The following VAV2 variants were observed in gnomAD, a reference collection of about 807,000 sequenced individuals.
VAV2 encodes guanine nucleotide exchange factor VAV2.
In VAV2, 67 loss-of-function variants were observed where a neutral mutation model predicts 132.5. That is an observed-to-expected ratio of 0.51 (90% CI 0.42 to 0.62). The LOEUF (loss-of-function observed/expected upper bound fraction) is 0.62. VAV2 is among the 20% of genes least tolerant of loss of function. The pLI, the probability that VAV2 is intolerant of heterozygous loss-of-function variation, is 0.00. For missense variants in VAV2, 938 were observed against 1,153.6 expected (o/e 0.81, Z 2.71); for synonymous variants, 492 against 443.5 (o/e 1.11, Z -1.37).
At chr9:133,886,362 A>G (rs2131955164) in intron 2 of VAV2, among the ~76,000 whole-genome samples, 1 of 152,340 alleles carries the variant, frequency 6.6e-6, no homozygotes, top group East Asian at 1.9e-4. Context: ...TAACCCTGCC[A>G]CAGGGAGGTC....
intron 25 of VAV2, among the ~76,000 whole-genome samples, chr9:133,774,008 C>T (rs1004055084): frequency 6.6e-6 from 1 of 152,204 alleles, no homozygotes; most frequent in African/African-American, 2.4e-5. Flanking sequence ...ACCACCACCA[C>T]ATATGGGGTC....
intron 1 of VAV2, among the ~76,000 whole-genome samples, chr9:133,983,856 G>A (rs1290474332): frequency 6.8e-6 from 1 of 146,062 alleles, no homozygotes; most frequent in African/African-American, 2.5e-5. Flanking sequence ...CTCGCAAGAT[G>A]AGTGTTTCTC....
chr9:133,829,348 A>C (rs929560905), intron 4 of VAV2, among the ~76,000 whole-genome samples: 5 of 152,266 alleles, frequency 3.3e-5, no homozygotes, highest in African/African-American at 1.2e-4. Flanking sequence ...CACTTGAGAA[A>C]ATAACTTCAG....
chr9:133,954,944 C>T (rs537969356), intron 1 of VAV2, among the ~76,000 whole-genome samples: 53 of 152,256 alleles, frequency 3.5e-4, no homozygotes, highest in African/African-American at 1.2e-3. Context: ...CAGATTTTTC[C>T]TGTTGTTTAA....
Position 133,788,282 on chromosome 9 carries a change from TCTGGAAC to T in VAV2, c.1407+65_1407+71del, listed in dbSNP as rs1834313247. ...GACTTCGAGTCCCCTTCCCCTGGGG[TCTGGAAC>T]CCAGTGCCTCTCTCCAGGCCACCCC... On this transcript the variant is annotated intron_variant, in intron 15 of 29. Transcript: ENST00000371850. This position sits in a 1 kb window ranked among gnomAD's most constrained non-coding sequence, Gnocchi z 5.3. The T allele has an allele frequency of 8.0e-7, 1 of 1,254,922 alleles. No individual in the cohort carries two copies. The allele number at this position is 1,254,922 out of a possible 1,614,324, so 77.7% of individuals were successfully genotyped here.
chr9:133,779,528 C>T (rs1833932063), intron 21 of VAV2, among the ~76,000 whole-genome samples: 2 of 152,246 alleles, frequency 1.3e-5, no homozygotes, highest in South Asian at 2.1e-4. Context: ...ATGCTTTTTA[C>T]GCTGTGTCTA....
At chr9:133,800,827 G>C (rs1834900368) in intron 9 of VAV2, among the ~76,000 whole-genome samples, 1 of 152,234 alleles carries the variant, frequency 6.6e-6, no homozygotes, top group African/African-American at 2.4e-5. Context: ...CCACAGCACA[G>C]CTGAGCTGGC....
chr9:133,944,552 C>G (rs1841291338), intron 1 of VAV2, among the ~76,000 whole-genome samples: 1 of 152,236 alleles, frequency 6.6e-6, no homozygotes, highest in African/African-American at 2.4e-5. Context: ...CCAACTCACT[C>G]ACCACCTGCA....
Position 133,984,234 on chromosome 9 carries a change from A to C in VAV2, c.204+7841T>G, listed in dbSNP as rs565843159. Among the ~76,000 whole-genome samples, 42 of 152,298 alleles carry C rather than the reference A, an allele frequency of 2.8e-4. 1 individual carries two copies. In the East Asian group the frequency reaches 7.7e-3, roughly 28 times the overall value. On this transcript the variant is annotated intron_variant, in intron 1 of 29. Transcript: ENST00000371850. ...GGTGATCTGCCTGCCTCAGCATCCC[A>C]AAGTGCTGGGATTACAGGCGTGAGC...
chr9:133,838,049 G>A (rs191296748), intron 3 of VAV2, among the ~76,000 whole-genome samples: 25 of 152,258 alleles, frequency 1.6e-4, no homozygotes, highest in African/African-American at 4.1e-4. Flanking sequence ...GACCGTGCAC[G>A]GCCTCAGCGC....
intron 1 of VAV2, among the ~76,000 whole-genome samples, chr9:133,942,322 G>A (rs1426985561): frequency 2.0e-5 from 3 of 152,210 alleles, no homozygotes; most frequent in African/African-American, 4.8e-5. Flanking sequence ...GGCGTGGGAC[G>A]GGCTCTCCTC....
At chr9:133,978,446 T>C (rs414848) in intron 1 of VAV2, among the ~76,000 whole-genome samples, 59,693 of 151,992 alleles carry the variant, frequency 0.39, 12,343 homozygotes, top group Middle Eastern at 0.54. Flanking sequence ...GGCTCCCCAA[T>C]CCTGGGAAGG....
chr9:133,923,475 T>G (rs1346205280), intron 2 of VAV2, among the ~76,000 whole-genome samples: 1 of 152,150 alleles, frequency 6.6e-6, no homozygotes, highest in African/African-American at 2.4e-5. Context: ...ATGGTGATCA[T>G]TAAAAAGTCA....
chr9:133,939,007 A>G, intron 2 of VAV2, 96 bp downstream of exon 2: 1 of 1,140,800 alleles, frequency 8.8e-7, no homozygotes, highest in South Asian at 1.2e-5. Context: ...TGTTGGAGCC[A>G]ATCAGGCTGC....
chr9:133,850,567 G>A (rs1440267013), intron 3 of VAV2, among the ~76,000 whole-genome samples: 3 of 152,216 alleles, frequency 2.0e-5, no homozygotes, highest in Admixed American at 2.0e-4. Flanking sequence ...TCAGGAAAGT[G>A]ATGCTTTCTG....
At chr9:133,868,898 G>A (rs570330703) in intron 2 of VAV2, among the ~76,000 whole-genome samples, 11 of 152,354 alleles carry the variant, frequency 7.2e-5, no homozygotes, top group Admixed American at 7.2e-4. Flanking sequence ...AAATCAAGCT[G>A]GGTGCAGTGG....
chr9:133,770,668 C>T (rs952641701), intron 26 of VAV2, among the ~76,000 whole-genome samples, 167 bp from the exon 27 acceptor site: 6 of 152,158 alleles, frequency 3.9e-5, no homozygotes, highest in Non-Finnish European at 4.4e-5. Context: ...GTCAGTACCT[C>T]GAAGGTACCA....
At chr9:133,809,350 G>A (rs1014216987) in intron 6 of VAV2, among the ~76,000 whole-genome samples, 2 of 152,232 alleles carry the variant, frequency 1.3e-5, no homozygotes, top group African/African-American at 4.8e-5. Flanking sequence ...TGACGCACGG[G>A]GAGGGGATGT....
chr9:133,801,348 T>A (rs1834922078), intron 9 of VAV2, among the ~76,000 whole-genome samples: 1 of 152,196 alleles, frequency 6.6e-6, no homozygotes. Context: ...ACAGGGGCCC[T>A]GAGGCTCAGA....
Sources: allele counts gnomAD v4.1 joint callset (sites outside exome capture counted in the v4.1 genomes callset), GRCh38; gene constraint gnomAD v4.1.1; non-coding constraint Gnocchi (gnomAD v3.1); transcripts MANE v1.5; gene names NCBI Gene and HGNC (gene_info 2026-07-23, HGNC 2026-07-21).